TMX3: variants seen among roughly 807,000 people sequenced by gnomAD.
TMX3 encodes the protein protein disulfide-isomerase TMX3.
TMX3 carries 40 observed loss-of-function variants against 64.4 expected under a neutral mutation model. The observed-to-expected ratio is 0.62, with a 90% CI of 0.48 to 0.81. TMX3 has a LOEUF of 0.81. Ranked by LOEUF, TMX3 falls within the 30% of genes least tolerant of loss-of-function variation. TMX3 has a pLI of 0.00. For missense variants in TMX3, 497 were observed against 534.5 expected, an observed-to-expected ratio of 0.93 and a Z score of 0.69; for synonymous variants, 189 against 175.7, an observed-to-expected ratio of 1.08 and a Z score of -0.60.
chr18:68,676,349 A>G lies in TMX3; in HGVS notation c.*584T>C, dbSNP rs1182868059. The G allele has an allele frequency of 1.3e-5, 2 of 152,244 alleles. No homozygotes were observed. Among genetic ancestry groups the G allele is most frequent in the Non-Finnish European group, 2.9e-5 (2 of 68,080 alleles). 9.4% of individuals were successfully genotyped at this position (152,244 alleles called of 1,614,324 possible). On this transcript the variant is annotated 3_prime_UTR_variant, in exon 16 of 16. Coordinates refer to ENST00000299608, the MANE Select transcript of TMX3 (RefSeq NM_019022.5). Reference sequence around the variant, plus strand: ...AAATTTTATGATAATGCAACTGAGTATAAAGTTAAAAAGTAACATTTCTTC... The same window carrying G: ...AAATTTTATGATAATGCAACTGAGTGTAAAGTTAAAAAGTAACATTTCTTC...
chr18:68,706,956 C>T (rs1333817216), intron 4 of TMX3, among the ~76,000 whole-genome samples: 1 of 152,224 alleles, frequency 6.6e-6, no homozygotes, highest in Non-Finnish European at 1.5e-5. Context: ...CCATCACTGA[C>T]ATTTAACTCT....
chr18:68,682,912 G>T lies in TMX3; in HGVS notation c.905+13C>A. On this transcript the variant is annotated intron_variant, in intron 13 of 15. Transcript: ENST00000299608. ...ATAGATTTGACAGCAAAATCATTCAGCACTTTACTTACTCCATCAGCAAGG... is the reference window on the plus strand; with the variant it reads ...ATAGATTTGACAGCAAAATCATTCATCACTTTACTTACTCCATCAGCAAGG... The T allele has an allele frequency of 6.3e-7, 1 of 1,598,282 alleles. No individual in the cohort carries two copies. The highest frequency in any genetic ancestry group is 1.1e-5 in the South Asian group (1 of 88,590).
intron 8 of TMX3, among the ~76,000 whole-genome samples, chr18:68,696,026 A>G (rs1228255417): frequency 6.6e-6 from 1 of 152,148 alleles, no homozygotes; most frequent in Non-Finnish European, 1.5e-5. Context: ...GTATCCACAG[A>G]TCTTTGCACG....
intron 12 of TMX3, among the ~76,000 whole-genome samples, chr18:68,683,738 T>G (rs960656612): frequency 6.6e-6 from 1 of 152,130 alleles, no homozygotes; most frequent in Non-Finnish European, 1.5e-5. Flanking sequence ...TAAAATGCAA[T>G]GTGCTATACA....
intron 6 of TMX3, among the ~76,000 whole-genome samples, chr18:68,700,158 A>G (rs779529422): frequency 1.3e-5 from 2 of 152,122 alleles, no homozygotes; most frequent in Non-Finnish European, 2.9e-5. Flanking sequence ...TCTCTGGGGA[A>G]AATTCTTCTA....
At position 68,702,175 on chromosome 18, in the gene TMX3, C is replaced by CAAAAAAAAAAAAA. The variant is rs375234012; in HGVS notation, c.266-398_266-386dup. ...TCTTCTAGGTCTCATTTACTCCTCT[C>CAAAAAAAAAAAAA]AAAAAAAAAAAAAAAAAAAAAAAAA... On this transcript the variant is annotated intron_variant, in intron 4 of 15. Coordinates refer to ENST00000299608, the MANE Select transcript of TMX3 (RefSeq NM_019022.5). Among the ~76,000 whole-genome samples, 3 of 44,060 alleles carry CAAAAAAAAAAAAA rather than the reference C, an allele frequency of 6.8e-5. 1 individual carries two copies. Among genetic ancestry groups the CAAAAAAAAAAAAA allele is most frequent in the African/African-American group, 2.3e-4 (3 of 13,210 alleles). 28.9% of individuals were successfully genotyped at this position (44,060 alleles called of 152,430 possible).
chr18:68,708,523 A>G (rs2030949773), intron 4 of TMX3, among the ~76,000 whole-genome samples: 1 of 150,888 alleles, frequency 6.6e-6, no homozygotes, highest in South Asian at 2.1e-4. Flanking sequence ...GGACATGTCT[A>G]TGAAAATTAC....
chr18:68,696,762 G>A (rs1288534318), intron 8 of TMX3, among the ~76,000 whole-genome samples: 1 of 152,070 alleles, frequency 6.6e-6, no homozygotes, highest in East Asian at 1.9e-4. Context: ...CAGGCATGAG[G>A]CACTGCGCCT....
intron 4 of TMX3, among the ~76,000 whole-genome samples, chr18:68,704,476 A>T (rs1211132630): frequency 6.6e-6 from 1 of 152,218 alleles, no homozygotes; most frequent in Non-Finnish European, 1.5e-5. Flanking sequence ...TTTGAGAGCA[A>T]ACAATTTTGT....
At chr18:68,681,260 T>A (rs1205077685) in intron 13 of TMX3, 150 bp from the exon 14 acceptor site, 5 of 667,836 alleles carry the variant, frequency 7.5e-6, no homozygotes, top group Non-Finnish European at 1.1e-5. Context: ...ATAGACCTAG[T>A]ATTTACGTGT....
rs892975294 is a variant in TMX3, at chr18:68,675,097, G to A, written c.*1836C>T. 6.6e-6 allele frequency: 1 copy of A among 152,068 alleles called. No individual in the cohort carries two copies. Among genetic ancestry groups the A allele is most frequent in the Admixed American group, 6.6e-5 (1 of 15,256 alleles). 9.4% of individuals were successfully genotyped at this position (152,068 alleles called of 1,614,324 possible). A position where few individuals can be genotyped will look rare whatever the true frequency, so the allele number is the denominator to read the frequency against. On this transcript the variant is annotated 3_prime_UTR_variant, in exon 16 of 16. Coordinates refer to ENST00000299608, the MANE Select transcript of TMX3 (RefSeq NM_019022.5). ...TAACTATTTCCCCATGTCACTGACT[G>A]CTAAGTTTTCACTTCCTTACTAGGC...
chr18:68,704,512 T>C (rs1183657260), intron 4 of TMX3, among the ~76,000 whole-genome samples: 1 of 152,160 alleles, frequency 6.6e-6, no homozygotes, highest in East Asian at 1.9e-4. Context: ...GTAATTCAGA[T>C]TAAGAAACTA....
intron 2 of TMX3, among the ~76,000 whole-genome samples, chr18:68,711,631 GAATT>G (rs1428296719): frequency 6.6e-6 from 1 of 152,158 alleles, no homozygotes; most frequent in East Asian, 1.9e-4. Context: ...CCAAGAAAAA[GAATT>G]AAAGTAGGAC....
intron 2 of TMX3, among the ~76,000 whole-genome samples, chr18:68,712,045 A>G (rs1404231922): frequency 6.6e-6 from 1 of 152,132 alleles, no homozygotes; most frequent in Non-Finnish European, 1.5e-5. Context: ...TTTCACCCAT[A>G]ATTGGGCTCA....
At chr18:68,714,058 G>T (rs558690799) in intron 1 of TMX3, among the ~76,000 whole-genome samples, 158 bp from the exon 2 acceptor site, 23 of 152,298 alleles carry the variant, frequency 1.5e-4, no homozygotes, top group Middle Eastern at 6.8e-3. Context: ...AGCAAAGGTA[G>T]TTCATCCATT....
At position 68,715,096 on chromosome 18, in the gene TMX3, C is replaced by A. The variant is rs1454970419; in HGVS notation, c.-115G>T. On this transcript the variant is annotated 5_prime_UTR_variant, in exon 1 of 16. Transcript: ENST00000299608. ...GAGCCGACCCGGAGCGGAAGAGAAG[C>A]ACCGCGCTAACTACGGGGGCGGGGC... is the stretch of plus-strand genomic sequence containing the variant. The A allele has an allele frequency of 1.3e-6, 2 of 1,521,970 alleles. No homozygotes were observed. Among genetic ancestry groups the A allele is most frequent in the Non-Finnish European group, 1.8e-6 (2 of 1,131,710 alleles). The allele number at this position is 1,521,970 out of a possible 1,614,324, so 94.3% of individuals were successfully genotyped here.
chr18:68,706,581 C>A (rs1041273817), intron 4 of TMX3, among the ~76,000 whole-genome samples: 2 of 152,098 alleles, frequency 1.3e-5, no homozygotes, highest in East Asian at 3.8e-4. Context: ...TATTGCAGGT[C>A]GTCTACAGAT....
At chr18:68,701,210 T>C (rs897460253) in intron 5 of TMX3, 2 of 190,330 alleles carry the variant, frequency 1.1e-5, no homozygotes, top group Admixed American at 6.5e-5. Flanking sequence ...ATTTGAGATG[T>C]TAAAATATTT....
At chr18:68,688,469 G>A (rs977465224) in intron 9 of TMX3, 2 of 152,100 alleles carry the variant, frequency 1.3e-5, no homozygotes, top group African/African-American at 4.8e-5. Context: ...TAATTCTCAA[G>A]TAATTGTTCA....
Sources: gnomAD v4.1 joint callset for allele counts (sites outside exome capture counted in the v4.1 genomes callset) on GRCh38, gnomAD v4.1.1 for gene constraint, MANE v1.5 for transcripts, NCBI Gene and HGNC (gene_info 2026-07-23, HGNC 2026-07-21) for gene names.